LCORL: variants seen among roughly 807,000 people sequenced by gnomAD.
The protein encoded by LCORL is ligand-dependent nuclear receptor corepressor-like protein.
Under a neutral mutation model 141.8 loss-of-function variants are expected in LCORL, and 41 were observed. The observed-to-expected ratio is 0.29, with a 90% confidence interval of 0.23 to 0.38. The LOEUF is 0.38. Ranked by LOEUF, LCORL falls within the 10% of genes least tolerant of loss-of-function variation. The probability of loss-of-function intolerance (pLI) is 1.00; values close to 1 mark genes in which losing one functional copy is unlikely to be tolerated. For synonymous variants in LCORL, 618 were observed against 694.1 expected, an observed-to-expected ratio of 0.89 and a Z score of 1.72; for missense variants, 1,759 against 2,035.0, an observed-to-expected ratio of 0.86 and a Z score of 2.61.
intron 4 of LCORL, among the ~76,000 whole-genome samples, chr4:17,925,945 C>T (rs1314096185): frequency 1.4e-5 from 2 of 147,064 alleles, no homozygotes; most frequent in Non-Finnish European, 3.0e-5. Flanking sequence ...TAAGAAAATA[C>T]CTTCATTTCC....
intron 6 of LCORL, chr4:17,883,429 C>T (rs1727846898): frequency 1.8e-6 from 2 of 1,135,756 alleles, no homozygotes; most frequent in Non-Finnish European, 1.1e-6. Flanking sequence ...CTATTGACTA[C>T]TAAAGAAAAC....
At position 18,003,733 on chromosome 4, in the gene LCORL, G is replaced by A. The variant is rs892444899; in HGVS notation, c.154+17865C>T. ...GTAATCACTATATGTCAAAGCTACA[G>A]GGATCTAAGACCTACAATTTTGAAG... On this transcript the variant is annotated intron_variant, in intron 1 of 7. Coordinates refer to ENST00000635767, the Ensembl canonical transcript of LCORL. 1.1e-4 allele frequency among the ~76,000 whole-genome samples: 16 copies of A among 152,312 alleles called. 1 individual carries two copies. Among genetic ancestry groups the A allele is most frequent in the Admixed American group, 4.6e-4 (7 of 15,296 alleles).
At chr4:18,015,607 A>G (rs1260724736) in intron 1 of LCORL, among the ~76,000 whole-genome samples, 2 of 152,054 alleles carry the variant, frequency 1.3e-5, no homozygotes, top group African/African-American at 2.4e-5. Flanking sequence ...ATAGTGCTTG[A>G]AAAAAACAGC....
intron 4 of LCORL, among the ~76,000 whole-genome samples, chr4:17,922,170 CCTGA>C (rs1255816467): frequency 6.6e-6 from 1 of 152,120 alleles, no homozygotes. Context: ...TTAGTCCTGT[CCTGA>C]CTAATACAGA....
chr4:17,955,925 T>A (rs947379360), intron 4 of LCORL, among the ~76,000 whole-genome samples: 1 of 152,080 alleles, frequency 6.6e-6, no homozygotes, highest in South Asian at 2.1e-4. Flanking sequence ...GGTCTATACA[T>A]TGAAGGCTGC....
At chr4:17,979,941 C>T (rs1037832213) in intron 1 of LCORL, among the ~76,000 whole-genome samples, 6 of 152,136 alleles carry the variant, frequency 3.9e-5, no homozygotes, top group African/African-American at 1.4e-4. Context: ...GAGAAAGAAT[C>T]AACCAACCAC....
intron 5 of LCORL, among the ~76,000 whole-genome samples, chr4:17,907,317 C>G (rs1333772227): frequency 6.6e-6 from 1 of 152,166 alleles, no homozygotes; most frequent in Non-Finnish European, 1.5e-5. Flanking sequence ...GAGTTTGTTA[C>G]TAAATATTTA....
At chr4:17,865,578 C>A (rs1725544018) in intron 7 of LCORL, among the ~76,000 whole-genome samples, 1 of 152,202 alleles carries the variant, frequency 6.6e-6, no homozygotes, top group Admixed American at 6.5e-5. Flanking sequence ...AATGAAAACA[C>A]AGCAGAGCAA....
At chr4:17,922,944 C>T (rs939783900) in intron 4 of LCORL, among the ~76,000 whole-genome samples, 10 of 152,180 alleles carry the variant, frequency 6.6e-5, no homozygotes, top group Non-Finnish European at 2.9e-5. Context: ...ATTAATCGTG[C>T]ACTGCCTGAG....
At chr4:17,924,916 A>T (rs1734879864) in intron 4 of LCORL, among the ~76,000 whole-genome samples, 1 of 152,192 alleles carries the variant, frequency 6.6e-6, no homozygotes, top group Non-Finnish European at 1.5e-5. Flanking sequence ...AGCATTCAGT[A>T]TATGGTACTG....
At chr4:17,913,054 C>G (rs933116853) in intron 4 of LCORL, 6 of 237,820 alleles carry the variant, frequency 2.5e-5, no homozygotes, top group Non-Finnish European at 5.0e-5. Flanking sequence ...ATGGACAACT[C>G]ATTTTAAAGG....
chr4:17,894,366 A>T (rs913485409), intron 5 of LCORL, among the ~76,000 whole-genome samples: 1 of 152,144 alleles, frequency 6.6e-6, no homozygotes, highest in Admixed American at 6.5e-5. Flanking sequence ...AGTAACTCAA[A>T]CTTGGATTTC....
At chr4:17,896,489 C>T (rs1729946204) in intron 5 of LCORL, among the ~76,000 whole-genome samples, 1 of 152,112 alleles carries the variant, frequency 6.6e-6, no homozygotes, top group Non-Finnish European at 1.5e-5. Context: ...TCACTGTTAG[C>T]CAGGCTGGTC....
chr4:17,903,148 T>C (rs1731124277), intron 5 of LCORL, among the ~76,000 whole-genome samples: 1 of 152,016 alleles, frequency 6.6e-6, no homozygotes, highest in Non-Finnish European at 1.5e-5. Context: ...TTTAATTTAA[T>C]AAATAAATCC....
chr4:18,020,090 A>G (rs574687809), intron 1 of LCORL, among the ~76,000 whole-genome samples: 30 of 152,328 alleles, frequency 2.0e-4, no homozygotes, highest in Admixed American at 8.5e-4. Flanking sequence ...TTACTTAAAC[A>G]TCACTTAAAT....
chr4:17,873,700 G>A, exon 7 of LCORL: 7 of 1,233,734 alleles, frequency 5.7e-6, no homozygotes, highest in Non-Finnish European at 7.1e-6. Flanking sequence ...TCTTCCATAT[G>A]AGTCTGATGA....
chr4:17,877,028 C>G (rs1182215259), exon 7 of LCORL: 2 of 1,230,506 alleles, frequency 1.6e-6, no homozygotes. Context: ...TGTTTTGTGT[C>G]AATTTCCTTG....
At chr4:17,909,812 T>C (rs1030866932) in intron 4 of LCORL, among the ~76,000 whole-genome samples, 1 of 152,122 alleles carries the variant, frequency 6.6e-6, no homozygotes, top group Non-Finnish European at 1.5e-5. Context: ...CTATAAAATG[T>C]GCATTTCATA....
intron 4 of LCORL, among the ~76,000 whole-genome samples, chr4:17,927,762 T>A (rs1309216378): frequency 6.6e-6 from 1 of 152,082 alleles, no homozygotes; most frequent in Non-Finnish European, 1.5e-5. Flanking sequence ...ATAATTACAA[T>A]CATAACATCA....
Sources: allele counts gnomAD v4.1 joint callset (sites outside exome capture counted in the v4.1 genomes callset), GRCh38; gene constraint gnomAD v4.1.1; transcripts MANE v1.5; gene names NCBI Gene and HGNC (gene_info 2026-07-23, HGNC 2026-07-21).